Variants in PPM1E observed in about 807,000 individuals in gnomAD.
PPM1E encodes protein phosphatase, Mg2+/Mn2+ dependent 1E.
PPM1E carries 20 observed loss-of-function variants against 65.9 expected under a neutral mutation model. That is an observed-to-expected ratio of 0.30 (90% CI 0.21 to 0.44). The LOEUF (loss-of-function observed/expected upper bound fraction) is 0.44. PPM1E is among the 20% of genes least tolerant of loss of function. The pLI is 1.00. For synonymous variants in PPM1E, 352 were observed against 374.9 expected, an observed-to-expected ratio of 0.94 and a Z score of 0.70; for missense variants, 713 against 953.1, an observed-to-expected ratio of 0.75 and a Z score of 3.32.
intron 1 of PPM1E, among the ~76,000 whole-genome samples, chr17:58,821,496 C>T (rs903364865): frequency 6.6e-6 from 1 of 152,046 alleles, no homozygotes; most frequent in African/African-American, 2.4e-5. Context: ...ATGAAGATTC[C>T]TACATTCAAG....
chr17:58,817,449 G>A lies in PPM1E; in HGVS notation c.464+60988G>A, dbSNP rs188163392. ...CTGTTTCATTTTAAAATAAGAAAAT[G>A]TTTTGGAATTTCATAAATTGTTATC... On this transcript the variant is annotated intron_variant, in intron 1 of 6. Coordinates refer to ENST00000308249, the MANE Select transcript of PPM1E (RefSeq NM_014906.5). Among the ~76,000 whole-genome samples the A allele has an allele frequency of 1.4e-4, 21 of 152,196 alleles. No individual in the cohort carries two copies. In the East Asian group the frequency reaches 1.9e-3, roughly 14 times the overall value.
chr17:58,870,828 T>G (rs1286189985), intron 1 of PPM1E, among the ~76,000 whole-genome samples: 2 of 152,178 alleles, frequency 1.3e-5, no homozygotes, highest in Non-Finnish European at 2.9e-5. Flanking sequence ...ATACTTGGTT[T>G]TAGATGCATG....
chr17:58,800,307 A>G (rs1304186879), intron 1 of PPM1E, among the ~76,000 whole-genome samples: 3 of 152,146 alleles, frequency 2.0e-5, no homozygotes, highest in African/African-American at 7.2e-5. Flanking sequence ...ATATACTGCT[A>G]GATTCAATTT....
chr17:58,795,456 A>C (rs1231584858), intron 1 of PPM1E, among the ~76,000 whole-genome samples: 1 of 152,150 alleles, frequency 6.6e-6, no homozygotes, highest in Non-Finnish European at 1.5e-5. Context: ...TAATCTCAGC[A>C]CTTTGGGAAG....
At chr17:58,792,039 A>G (rs923550233) in intron 1 of PPM1E, among the ~76,000 whole-genome samples, 2 of 151,586 alleles carry the variant, frequency 1.3e-5, no homozygotes, top group African/African-American at 4.8e-5. Flanking sequence ...CTTTCTTATT[A>G]TGTGTTTCTC....
At chr17:58,771,735 G>T (rs2049941379) in intron 1 of PPM1E, among the ~76,000 whole-genome samples, 1 of 151,764 alleles carries the variant, frequency 6.6e-6, no homozygotes, top group Non-Finnish European at 1.5e-5. Context: ...TTATTCATTT[G>T]TTTTCCACCT....
rs566126510 is a variant in PPM1E at position 58,983,666 on chromosome 17, A to G, written c.*2635A>G. The G allele has an allele frequency of 3.9e-5, 6 of 152,780 alleles. No homozygotes were observed. In the East Asian group the frequency reaches 1.2e-3, roughly 29 times the overall value. The allele number at this position is 152,780 out of a possible 1,614,324, so 9.5% of individuals were successfully genotyped here. A position where few individuals can be genotyped will look rare whatever the true frequency, so the allele number is the denominator to read the frequency against. On this transcript the variant is annotated 3_prime_UTR_variant, in exon 7 of 7. Transcript: ENST00000308249. ...ATCTATAAACTGTTAATGCTGAGGT[A>G]TAGTCTGTGAATTATGTGTTTTGTA...
At chr17:58,930,406 G>A (rs964508522) in intron 1 of PPM1E, among the ~76,000 whole-genome samples, 1 of 152,042 alleles carries the variant, frequency 6.6e-6, no homozygotes, top group Non-Finnish European at 1.5e-5. Context: ...CAAGTCTGTA[G>A]TGATCTGTAA....
intron 1 of PPM1E, among the ~76,000 whole-genome samples, chr17:58,944,916 C>A (rs1241548559): frequency 1.3e-5 from 2 of 152,160 alleles, no homozygotes; most frequent in East Asian, 3.8e-4. Flanking sequence ...AGTGCCAAAG[C>A]AGCTGTACCA....
At chr17:58,906,802 C>A (rs1036629208) in intron 1 of PPM1E, among the ~76,000 whole-genome samples, 1 of 151,948 alleles carries the variant, frequency 6.6e-6, no homozygotes, top group African/African-American at 2.4e-5. Flanking sequence ...CTAATATATG[C>A]ACTTAATGTT....
At chr17:58,841,522 T>A (rs866656742) in intron 1 of PPM1E, among the ~76,000 whole-genome samples, 26,346 of 114,564 alleles carry the variant, frequency 0.23, 2,096 homozygotes, top group East Asian at 0.31. Flanking sequence ...AAACAAATAC[T>A]TTTTTTTTTT....
chr17:58,928,702 A>ATT (rs138970237), intron 1 of PPM1E, among the ~76,000 whole-genome samples: 86 of 140,500 alleles, frequency 6.1e-4, no homozygotes, highest in African/African-American at 1.9e-3. Flanking sequence ...TCACACACGA[A>ATT]TTTTTTTTTT....
At chr17:58,838,418 A>G (rs1200572416) in intron 1 of PPM1E, among the ~76,000 whole-genome samples, 6 of 152,244 alleles carry the variant, frequency 3.9e-5, no homozygotes, top group Non-Finnish European at 8.8e-5. Context: ...CAGCAAATAA[A>G]CACTAAAAAG....
intron 1 of PPM1E, among the ~76,000 whole-genome samples, chr17:58,816,062 G>A (rs1359514588): frequency 6.6e-6 from 1 of 151,938 alleles, no homozygotes; most frequent in Non-Finnish European, 1.5e-5. Context: ...GTCTTGCTCT[G>A]TTGCCCAGGC....
chr17:58,930,024 G>C (rs1184496167), intron 1 of PPM1E, among the ~76,000 whole-genome samples: 3 of 151,974 alleles, frequency 2.0e-5, no homozygotes, highest in Non-Finnish European at 2.9e-5. Context: ...AAATTTACTT[G>C]TTTTGTTTAC....
At chr17:58,945,301 C>T (rs150426596) in intron 1 of PPM1E, among the ~76,000 whole-genome samples, 118 of 152,246 alleles carry the variant, frequency 7.8e-4, no homozygotes, top group Non-Finnish European at 1.1e-3. Context: ...TGCCACCACA[C>T]TCAGCTAACT....
chr17:58,767,991 C>T (rs2049899604), intron 1 of PPM1E, among the ~76,000 whole-genome samples: 1 of 151,978 alleles, frequency 6.6e-6, no homozygotes, highest in African/African-American at 2.4e-5. Flanking sequence ...CACTCTGTTA[C>T]CCAGGCTGGA....
intron 1 of PPM1E, among the ~76,000 whole-genome samples, chr17:58,880,606 G>C (rs576024297): frequency 1.5e-4 from 19 of 130,086 alleles, no homozygotes; most frequent in Non-Finnish European, 2.7e-4. Context: ...TGTTGTGAAA[G>C]AGTTTGTTTG....
chr17:58,772,910 C>T (rs1000151726), intron 1 of PPM1E, among the ~76,000 whole-genome samples: 5 of 151,874 alleles, frequency 3.3e-5, no homozygotes, highest in Non-Finnish European at 7.4e-5. Context: ...ATCTTCCGCC[C>T]TGTAGTTTGT....
Sources: gnomAD v4.1 joint callset for allele counts (sites outside exome capture counted in the v4.1 genomes callset) on GRCh38, gnomAD v4.1.1 for gene constraint, MANE v1.5 for transcripts, NCBI Gene and HGNC (gene_info 2026-07-23, HGNC 2026-07-21) for gene names.